Variants in MCTP2 observed in about 807,000 individuals in gnomAD.
The protein encoded by MCTP2 is multiple C2 and transmembrane domain containing 2, also known as multiple C2 and transmembrane domain-containing protein 2.
Under a neutral mutation model 111.6 loss-of-function variants are expected in MCTP2, and 132 were observed. That is an observed-to-expected ratio of 1.18 (90% CI 1.03 to 1.37). MCTP2 has a LOEUF of 1.37. MCTP2 is among the 40% of genes most tolerant of loss of function. The pLI is 0.00. For missense variants in MCTP2, 1,183 were observed against 1,067.9 expected (o/e 1.11, Z -1.50); for synonymous variants, 395 against 387.7 (o/e 1.02, Z -0.22).
At chr15:94,374,424 G>GTA (rs1440605444) in intron 12 of MCTP2, among the ~76,000 whole-genome samples, 1 of 152,138 alleles carries the variant, frequency 6.6e-6, no homozygotes, top group Non-Finnish European at 1.5e-5. Context: ...ATAGTTGACA[G>GTA]TATGCTGCTG....
chr15:94,376,902 T>C (rs1013137521), intron 12 of MCTP2, among the ~76,000 whole-genome samples: 2 of 152,356 alleles, frequency 1.3e-5, no homozygotes, highest in African/African-American at 4.8e-5. Context: ...TAGTATAAAA[T>C]AGCTTGGCGT....
chr15:94,286,008 C>T (rs1163905139), intron 1 of MCTP2, among the ~76,000 whole-genome samples: 1 of 152,100 alleles, frequency 6.6e-6, no homozygotes, highest in Admixed American at 6.5e-5. Flanking sequence ...GATTCTCCAC[C>T]TGTAATTAGA....
In MCTP2 at chr15:94,329,862, C is replaced by A. The variant is rs568801571; in HGVS notation, c.638-9428C>A. Among the ~76,000 whole-genome samples the A allele has an allele frequency of 4.6e-5, 7 of 152,260 alleles. No individual in the cohort carries two copies. In the East Asian group the frequency reaches 1.4e-3, roughly 29 times the overall value. ...CTTAATACATTTTTAATATACAATACCCTTCCATTAACTAGAGTCCTCATC... is the reference window on the plus strand; with the variant it reads ...CTTAATACATTTTTAATATACAATAACCTTCCATTAACTAGAGTCCTCATC... On this transcript the variant is annotated intron_variant, in intron 4 of 22. Transcript: ENST00000357742.
intron 1 of MCTP2, among the ~76,000 whole-genome samples, chr15:94,271,511 T>C (rs1197905762): frequency 6.6e-6 from 1 of 152,168 alleles, no homozygotes; most frequent in Non-Finnish European, 1.5e-5. Flanking sequence ...GAGGTGTAAT[T>C]GCTCTTTGGA....
rs2081409660 is a variant in MCTP2, at chr15:94,398,870, C to A, written c.1789-91C>A. The A allele has an allele frequency of 1.5e-5, 10 of 683,794 alleles. No homozygotes were observed. In the South Asian group the frequency reaches 1.8e-4, roughly 12 times the overall value. The allele number at this position is 683,794 out of a possible 1,614,324, so 42.4% of individuals were successfully genotyped here. A position where few individuals can be genotyped will look rare whatever the true frequency, so the allele number is the denominator to read the frequency against. On this transcript the variant is annotated intron_variant, in intron 14 of 22. Coordinates refer to ENST00000357742, the MANE Select transcript of MCTP2 (RefSeq NM_001385001.1). ...TGCTTCACCTGTGATCATTGTGCAT[C>A]CCCAATTTTGCCAAAGTTAGTTTTG...
At chr15:94,345,071 T>C in intron 7 of MCTP2, 58 bp from the exon 8 acceptor site, 4 of 1,578,614 alleles carry the variant, frequency 2.5e-6, no homozygotes, top group Non-Finnish European at 3.5e-6. Flanking sequence ...TGATAATGAT[T>C]CTATCTTCCT....
intron 4 of MCTP2, among the ~76,000 whole-genome samples, chr15:94,330,627 C>G (rs1036853752): frequency 2.0e-5 from 3 of 151,992 alleles, no homozygotes; most frequent in African/African-American, 4.8e-5. Flanking sequence ...TTACATGGGG[C>G]CCTCGTTTTT....
intron 2 of MCTP2, among the ~76,000 whole-genome samples, chr15:94,303,698 A>G (rs967560243): frequency 6.6e-6 from 1 of 152,164 alleles, no homozygotes; most frequent in Non-Finnish European, 1.5e-5. Context: ...TATGGGAGCT[A>G]CAAGATGAGA....
intron 1 of MCTP2, among the ~76,000 whole-genome samples, chr15:94,250,540 C>A (rs1259123940): frequency 6.6e-6 from 1 of 152,180 alleles, no homozygotes; most frequent in Admixed American, 6.5e-5. Flanking sequence ...AGAGCTAACA[C>A]CATGAAATTA....
chr15:94,391,211 C>G (rs2080950462), intron 14 of MCTP2, among the ~76,000 whole-genome samples: 1 of 152,132 alleles, frequency 6.6e-6, no homozygotes, highest in Non-Finnish European at 1.5e-5. Flanking sequence ...AATTGATTTA[C>G]TGGGACAAAT....
intron 1 of MCTP2, among the ~76,000 whole-genome samples, chr15:94,244,328 GTATA>G (rs200339267): frequency 6.8e-6 from 1 of 146,018 alleles, no homozygotes; most frequent in East Asian, 2.1e-4. Flanking sequence ...GTATACACAT[GTATA>G]TATACACGTA....
At position 94,438,407 on chromosome 15, in the gene MCTP2, T is replaced by C. The variant is rs187782091; in HGVS notation, c.2086-1769T>C. On this transcript the variant is annotated intron_variant, in intron 17 of 22. Coordinates refer to ENST00000357742, the MANE Select transcript of MCTP2 (RefSeq NM_001385001.1). ...TCTTTGGAAATGAGAGGAATAGGAC[T>C]GAGGAAGGTTGACAAAAAGAACACG... Among the ~76,000 whole-genome samples the C allele has an allele frequency of 1.1e-3, 170 of 152,188 alleles. 1 individual carries two copies. The highest frequency in any genetic ancestry group is 3.8e-3 in the African/African-American group (156 of 41,556).
intron 8 of MCTP2, among the ~76,000 whole-genome samples, chr15:94,350,256 A>T (rs1023898021): frequency 3.3e-5 from 5 of 152,212 alleles, no homozygotes; most frequent in African/African-American, 1.2e-4. Context: ...GCTGGGATTA[A>T]GGTGAGGCAA....
intron 1 of MCTP2, among the ~76,000 whole-genome samples, chr15:94,245,220 A>T (rs61728562): frequency 7.9e-6 from 1 of 126,924 alleles, no homozygotes; most frequent in Non-Finnish European, 1.8e-5. Context: ...ACATATGTGT[A>T]TATATACATA....
At chr15:94,463,226 A>G (rs918968702) in intron 20 of MCTP2, among the ~76,000 whole-genome samples, 5 of 152,230 alleles carry the variant, frequency 3.3e-5, no homozygotes, top group Non-Finnish European at 7.3e-5. Flanking sequence ...TTTCTAATAT[A>G]TGAGCTTGTT....
At chr15:94,269,165 A>G (rs1353355300) in intron 1 of MCTP2, among the ~76,000 whole-genome samples, 2 of 152,154 alleles carry the variant, frequency 1.3e-5, no homozygotes, top group African/African-American at 4.8e-5. Context: ...GTGTTGACAC[A>G]CTGAGGTTGG....
intron 1 of MCTP2, among the ~76,000 whole-genome samples, chr15:94,268,657 T>A (rs2073736237): frequency 6.6e-6 from 1 of 152,172 alleles, no homozygotes; most frequent in Admixed American, 6.5e-5. Context: ...ATTCATAGTA[T>A]ATGTTCCACA....
At chr15:94,347,431 TATA>T (rs2078044240) in intron 8 of MCTP2, among the ~76,000 whole-genome samples, 1 of 152,226 alleles carries the variant, frequency 6.6e-6, no homozygotes, top group African/African-American at 2.4e-5. Flanking sequence ...ATCTTTTTCT[TATA>T]ATAACTTTAT....
At chr15:94,471,690 TAATAGCA>T (rs573678121) in intron 21 of MCTP2, among the ~76,000 whole-genome samples, 1 of 146,798 alleles carries the variant, frequency 6.8e-6, no homozygotes, top group East Asian at 2.0e-4. Flanking sequence ...TTGGCAACAA[TAATAGCA>T]AATTGGTCCT....
Sources: gnomAD v4.1 joint callset for allele counts (sites outside exome capture counted in the v4.1 genomes callset) on GRCh38, gnomAD v4.1.1 for gene constraint, MANE v1.5 for transcripts, NCBI Gene and HGNC (gene_info 2026-07-23, HGNC 2026-07-21) for gene names.